Variants in MYPN observed in about 807,000 individuals in gnomAD.
MYPN encodes myopalladin.
A neutral mutation model predicts 129.4 loss-of-function variants in MYPN; 63 were observed. The ratio of observed to expected loss-of-function variants is 0.49; its 90% CI spans 0.40 to 0.60. The LOEUF is 0.60. MYPN is among the 20% of genes least tolerant of loss of function. MYPN has a pLI of 0.00. For synonymous variants in MYPN, 629 were observed against 600.9 expected (o/e 1.05, Z -0.68); for missense variants, 1,596 against 1,635.4 (o/e 0.98, Z 0.42).
chr10:68,150,073 G>C lies in MYPN; in HGVS notation c.1279G>C (p.Asp427His). The C allele has an allele frequency of 6.2e-7, 1 of 1,613,910 alleles. No individual in the cohort carries two copies. Among genetic ancestry groups the C allele is most frequent in the South Asian group, 1.1e-5 (1 of 91,074 alleles). The change falls in exon 6 of 20, where the codon GAT (aspartate) becomes CAT (histidine). Residue 427 changes from aspartate (D) to histidine (H), a missense_variant. Transcript: ENST00000358913. ...QSPTNYLQGL[D>H]GKPIIAAPVF... is the part of the protein sequence containing the mutation. ...CCCCACCAATTACTTGCAGGGATTGGATGGAAAACCTATCATTGCAGCTCC... is the reference window on the plus strand; with the variant it reads ...CCCCACCAATTACTTGCAGGGATTGCATGGAAAACCTATCATTGCAGCTCC...
intron 3 of MYPN, 147 bp downstream of exon 3, chr10:68,143,262 G>A: frequency 2.9e-6 from 2 of 697,494 alleles, no homozygotes; most frequent in Non-Finnish European, 4.8e-6. Flanking sequence ...AAATACTTAG[G>A]CTCATTTACT....
chr10:68,148,773 A>G (rs1310182720), intron 5 of MYPN, among the ~76,000 whole-genome samples: 36 of 152,222 alleles, frequency 2.4e-4, no homozygotes, highest in Non-Finnish European at 4.4e-5. Flanking sequence ...GCCTAGAACA[A>G]ACACTCTATA....
chr10:68,113,423 C>T (rs1038287801), intron 1 of MYPN, among the ~76,000 whole-genome samples: 6 of 152,138 alleles, frequency 3.9e-5, no homozygotes, highest in Admixed American at 6.5e-5. Context: ...TAGCTAGGTG[C>T]GGTGGCTCAT....
At chr10:68,131,322 G>A (rs1333648736) in intron 2 of MYPN, among the ~76,000 whole-genome samples, 12 of 151,884 alleles carry the variant, frequency 7.9e-5, no homozygotes, top group Admixed American at 7.9e-4. Flanking sequence ...TCAGGATGTG[G>A]GGGTTGCAGT....
Position 68,129,005 on chromosome 10 carries a change from T to TC in MYPN, c.902+6665_902+6666insC, listed in dbSNP as rs1397306153. 4.1e-5 allele frequency among the ~76,000 whole-genome samples: 6 copies of TC among 146,938 alleles called. No homozygotes were observed. In the East Asian group the frequency reaches 9.8e-4, roughly 24 times the overall value. On this transcript the variant is annotated intron_variant, in intron 2 of 19. Coordinates refer to ENST00000358913, the MANE Select transcript of MYPN (RefSeq NM_032578.4). ...AGATTCTCTCTCCTCTCTCTCTCTC[T>TC]TTTTTTTTTAATGTGCCTTAAACTA...
intron 3 of MYPN, among the ~76,000 whole-genome samples, chr10:68,144,214 T>C (rs958615314): frequency 1.3e-5 from 2 of 152,226 alleles, no homozygotes; most frequent in African/African-American, 2.4e-5. Context: ...TATGCTCCTT[T>C]GTATCTACCT....
At chr10:68,157,919 C>A (rs1445706621) in intron 6 of MYPN, among the ~76,000 whole-genome samples, 1 of 150,784 alleles carries the variant, frequency 6.6e-6, no homozygotes, top group African/African-American at 2.4e-5. Flanking sequence ...AACAAAAAAA[C>A]CACCCCAAAG....
chr10:68,091,936 G>T (rs1343641384), intron 1 of MYPN, among the ~76,000 whole-genome samples: 2 of 151,722 alleles, frequency 1.3e-5, no homozygotes, highest in Non-Finnish European at 2.9e-5. Flanking sequence ...TGTAATCCAG[G>T]TTGGGTTCTT....
chr10:68,105,731 G>A (rs374003304), upstream of MYPN, among the ~76,000 whole-genome samples: 12 of 152,178 alleles, frequency 7.9e-5, no homozygotes, highest in East Asian at 1.9e-4. Flanking sequence ...TTGTTTTTTC[G>A]TATTTACCTT....
chr10:68,191,392 A>G (rs1284144537), intron 13 of MYPN, among the ~76,000 whole-genome samples: 1 of 151,470 alleles, frequency 6.6e-6, no homozygotes, highest in African/African-American at 2.4e-5. Flanking sequence ...TAATTTTTGT[A>G]CCTTTAATAA....
Position 68,145,464 on chromosome 10 carries a change from T to A in MYPN, c.1079-11T>A. The A allele has an allele frequency of 6.2e-7, 1 of 1,611,386 alleles. No individual in the cohort carries two copies. The highest frequency in any genetic ancestry group is 8.5e-7 in the Non-Finnish European group (1 of 1,177,692). Reference sequence around the variant, plus strand: ...TCTTAACAATCTTATGTCTTGTTTTTATTTTTCCAGGGGTTTCTTCTTCTG... The same window carrying A: ...TCTTAACAATCTTATGTCTTGTTTTAATTTTTCCAGGGGTTTCTTCTTCTG... On this transcript the variant is annotated splice_polypyrimidine_tract_variant and intron_variant, in intron 3 of 19. Transcript: ENST00000358913.
intron 7 of MYPN, among the ~76,000 whole-genome samples, chr10:68,159,795 A>AT (rs2042942712): frequency 1.3e-5 from 2 of 151,984 alleles, no homozygotes; most frequent in African/African-American, 4.8e-5. Flanking sequence ...GCATTTCTGT[A>AT]TTTTTTTAGT....
At chr10:68,132,088 C>T (rs1388808626) in intron 2 of MYPN, among the ~76,000 whole-genome samples, 1 of 152,118 alleles carries the variant, frequency 6.6e-6, no homozygotes, top group East Asian at 1.9e-4. Context: ...AATACATGCT[C>T]TAGTCTTATT....
chr10:68,122,885 A>G (rs533596246), intron 2 of MYPN, among the ~76,000 whole-genome samples: 338 of 151,938 alleles, frequency 2.2e-3, no homozygotes, highest in Non-Finnish European at 3.9e-3. Context: ...CCGGGCAACA[A>G]GAGCGAAACT....
intron 1 of MYPN, among the ~76,000 whole-genome samples, chr10:68,089,973 T>C (rs1288476567): frequency 6.6e-6 from 1 of 152,184 alleles, no homozygotes; most frequent in African/African-American, 2.4e-5. Flanking sequence ...GCCTAAGGTT[T>C]TAGTAAATAA....
At chr10:68,203,730 G>C (rs539229064) in intron 18 of MYPN, among the ~76,000 whole-genome samples, 2 of 126,620 alleles carry the variant, frequency 1.6e-5, no homozygotes, top group East Asian at 2.1e-4. Context: ...CAGAGAGAGA[G>C]AGAGAGAGAG....
chr10:68,201,886 C>T lies in MYPN; in HGVS notation c.3551C>T (p.Pro1184Leu), dbSNP rs1238775346. The change falls in exon 18 of 20, where the codon CCC becomes CTC. Residue 1184 changes from proline (P) to leucine (L), a missense_variant. Physicochemically the swap from Pro to Leu is moderately conservative, Grantham distance 98. Transcript: ENST00000358913. ...ILEKLQNCGV[P>L]EGHPVRLECR... is the part of the protein sequence containing the mutation. ...GAGAAACTACAGAACTGCGGTGTTC[C>T]CGAAGGCCACCCCGTGAGACTGGAG... The T allele has an allele frequency of 1.9e-6, 3 of 1,614,014 alleles. No homozygotes were observed. Among genetic ancestry groups the T allele is most frequent in the Non-Finnish European group, 2.5e-6 (3 of 1,180,036 alleles).
intron 10 of MYPN, among the ~76,000 whole-genome samples, chr10:68,168,862 G>A (rs530811986): frequency 4.1e-4 from 62 of 151,902 alleles, no homozygotes; most frequent in Admixed American, 1.8e-3. Flanking sequence ...GTGTGGTGGC[G>A]CGTGCCTTTA....
chr10:68,205,135 G>C (rs961476510), intron 18 of MYPN, among the ~76,000 whole-genome samples: 1 of 152,068 alleles, frequency 6.6e-6, no homozygotes, highest in Non-Finnish European at 1.5e-5. Context: ...AGTCGTCTCA[G>C]GTCTTTATAC....
Sources: allele counts gnomAD v4.1 joint callset (sites outside exome capture counted in the v4.1 genomes callset), GRCh38; gene constraint gnomAD v4.1.1; transcripts MANE v1.5; gene names NCBI Gene and HGNC (gene_info 2026-07-23, HGNC 2026-07-21).